Variants in FRMD6 observed in about 807,000 individuals in gnomAD.
FRMD6 encodes the protein FERM domain-containing protein 6.
A neutral mutation model predicts 73.2 loss-of-function variants in FRMD6; 37 were observed. The observed-to-expected ratio is 0.51, with a 90% CI of 0.39 to 0.66. FRMD6 has a LOEUF of 0.66. Ranked by LOEUF, FRMD6 falls within the 30% of genes least tolerant of loss-of-function variation. The pLI, the probability that FRMD6 is intolerant of heterozygous loss-of-function variation, is 0.00. For missense variants in FRMD6, 714 were observed against 780.5 expected, an observed-to-expected ratio of 0.91 and a Z score of 1.02; for synonymous variants, 273 against 282.2, an observed-to-expected ratio of 0.97 and a Z score of 0.33.
intron 1 of FRMD6, among the ~76,000 whole-genome samples, chr14:51,494,704 GC>G (rs1462246338): frequency 6.6e-6 from 1 of 152,168 alleles, no homozygotes; most frequent in African/African-American, 2.4e-5. Context: ...TGATTTTGGT[GC>G]CCTAATGGTA....
At chr14:51,417,521 G>A in the FRMD6 span, among the ~76,000 whole-genome samples, 7 of 152,272 alleles carry the variant, frequency 4.6e-5, no homozygotes, top group South Asian at 6.2e-4. Flanking sequence ...CGAGAGATCC[G>A]CTGTTAATCT....
chr14:51,625,986 C>T (rs569434660), intron 2 of FRMD6, among the ~76,000 whole-genome samples: 9 of 152,228 alleles, frequency 5.9e-5, no homozygotes, highest in Admixed American at 2.0e-4. Flanking sequence ...TTGTAGTAGA[C>T]GCTCAATAAA....
intron 1 of FRMD6, among the ~76,000 whole-genome samples, chr14:51,544,856 T>C (rs1368704298): frequency 1.3e-5 from 2 of 152,008 alleles, no homozygotes; most frequent in Non-Finnish European, 2.9e-5. Context: ...TCTTCTGTAG[T>C]ATGGGAATAT....
intron 1 of FRMD6, among the ~76,000 whole-genome samples, chr14:51,665,933 G>T (rs1478701211): frequency 6.6e-6 from 1 of 152,212 alleles, no homozygotes; most frequent in Non-Finnish European, 1.5e-5. Context: ...CCCCAGCCAC[G>T]TGGAACTGTA....
At position 51,639,097 on chromosome 14, in the gene FRMD6, C is replaced by T. The variant is rs190146861; in HGVS notation, c.-146-50594C>T. Among the ~76,000 whole-genome samples, 270 of 151,696 alleles carry T rather than the reference C, an allele frequency of 1.8e-3. 3 individuals are homozygous for T. Among genetic ancestry groups the T allele is most frequent in the African/African-American group, 5.8e-3 (240 of 41,362 alleles). ...TAAAACTAGGTGTTCCCATTTTTTG[C>T]CACAGGACTTTTCTTTTCCTTTGTT... On this transcript the variant is annotated intron_variant, in intron 2 of 14. Transcript: ENST00000356218.
In FRMD6 at chr14:51,617,096, C is replaced by T. The variant is rs138398288; in HGVS notation, c.-147+46686C>T. 9.8e-3 allele frequency among the ~76,000 whole-genome samples: 1,495 copies of T among 152,270 alleles called. 11 individuals carry two copies. The highest frequency in any genetic ancestry group is 0.027 in the Middle Eastern group (8 of 294). ...GCCATGTGGAAGCCCCCTTATTTTC[C>T]GTAGGGACAGGCAGTGTTGCTCTTG... On this transcript the variant is annotated intron_variant, in intron 2 of 14. Transcript: ENST00000356218.
At chr14:51,646,203 G>A (rs965460945) in intron 2 of FRMD6, among the ~76,000 whole-genome samples, 4 of 150,714 alleles carry the variant, frequency 2.7e-5, no homozygotes, top group Admixed American at 2.6e-4. Context: ...CTGTAGTCTC[G>A]GCTACTCGGG....
At chr14:51,659,028 A>C (rs1223940688) in intron 1 of FRMD6, among the ~76,000 whole-genome samples, 1 of 152,194 alleles carries the variant, frequency 6.6e-6, no homozygotes, top group African/African-American at 2.4e-5. Context: ...CAAGTTGCTC[A>C]TGAAATTACT....
At chr14:51,655,100 T>G (rs918919467) in intron 1 of FRMD6, among the ~76,000 whole-genome samples, 1 of 151,600 alleles carries the variant, frequency 6.6e-6, no homozygotes, top group Admixed American at 6.6e-5. Flanking sequence ...AGAATCCTAC[T>G]GTAACACAGT....
the FRMD6 span, among the ~76,000 whole-genome samples, chr14:51,470,548 T>C: frequency 6.6e-6 from 1 of 152,244 alleles, no homozygotes; most frequent in Non-Finnish European, 1.5e-5. Flanking sequence ...ATTTTCTCTT[T>C]TATCTATCTA....
chr14:51,679,697 A>G (rs1364879127), intron 1 of FRMD6, among the ~76,000 whole-genome samples: 2 of 151,794 alleles, frequency 1.3e-5, no homozygotes, highest in Non-Finnish European at 2.9e-5. Context: ...TGCCATTTCT[A>G]TCAGGCTTTT....
chr14:51,675,565 T>G (rs1032843970), intron 1 of FRMD6, among the ~76,000 whole-genome samples: 1 of 152,220 alleles, frequency 6.6e-6, no homozygotes, highest in African/African-American at 2.4e-5. Context: ...TTTTGTCTTT[T>G]TAAGTTTATT....
chr14:51,525,682 C>T (rs985548216), intron 1 of FRMD6, among the ~76,000 whole-genome samples: 1 of 152,162 alleles, frequency 6.6e-6, no homozygotes, highest in African/African-American at 2.4e-5. Context: ...CTCCTGCCTC[C>T]TCATTTTGTG....
intron 2 of FRMD6, among the ~76,000 whole-genome samples, chr14:51,615,071 A>G (rs1389486933): frequency 6.6e-6 from 1 of 152,174 alleles, no homozygotes; most frequent in African/African-American, 2.4e-5. Flanking sequence ...CCTGTACTGT[A>G]TTTTTAAAGG....
intron 2 of FRMD6, among the ~76,000 whole-genome samples, chr14:51,582,880 C>A (rs892835985): frequency 6.6e-6 from 1 of 152,146 alleles, no homozygotes; most frequent in African/African-American, 2.4e-5. Flanking sequence ...AAAATAAACA[C>A]ATTTCATCTT....
intron 2 of FRMD6, among the ~76,000 whole-genome samples, chr14:51,577,838 C>T (rs141431902): frequency 3.3e-5 from 5 of 152,226 alleles, no homozygotes; most frequent in Non-Finnish European, 5.9e-5. Context: ...ATGTGCAGAA[C>T]GTGCAGTTTT....
intron 2 of FRMD6, among the ~76,000 whole-genome samples, chr14:51,607,399 G>C (rs1013136156): frequency 1.3e-5 from 2 of 152,136 alleles, no homozygotes; most frequent in African/African-American, 4.8e-5. Flanking sequence ...AACGGGGCAT[G>C]GTCATGAAGA....
the FRMD6 span, among the ~76,000 whole-genome samples, chr14:51,422,192 G>T: frequency 6.6e-5 from 10 of 152,064 alleles, no homozygotes; most frequent in Admixed American, 2.0e-4. Flanking sequence ...TTAATTCAGG[G>T]TGTATTGACA....
chr14:51,441,773 AT>A, the FRMD6 span, among the ~76,000 whole-genome samples: 1 of 152,240 alleles, frequency 6.6e-6, no homozygotes, highest in Non-Finnish European at 1.5e-5. Context: ...TCTTAGAACT[AT>A]AGAATTTCAG....
Sources: allele counts gnomAD v4.1 joint callset (sites outside exome capture counted in the v4.1 genomes callset), GRCh38; gene constraint gnomAD v4.1.1; transcripts MANE v1.5; gene names NCBI Gene and HGNC (gene_info 2026-07-23, HGNC 2026-07-21).